NRXN1: variants seen among roughly 807,000 people sequenced by gnomAD.
NRXN1 encodes the protein neurexin-1.
In NRXN1, 39 loss-of-function variants were observed where a neutral mutation model predicts 150.9. The observed-to-expected ratio is 0.26, with a 90% CI of 0.20 to 0.34. NRXN1 has a LOEUF of 0.34. Among genes scored for constraint, NRXN1 ranks in the 10% least tolerant of loss-of-function variants. The pLI, the probability that NRXN1 is intolerant of heterozygous loss-of-function variation, is 1.00. For missense variants in NRXN1, 1,815 were observed against 1,949.9 expected, an observed-to-expected ratio of 0.93 and a Z score of 1.30; for synonymous variants, 924 against 757.0, an observed-to-expected ratio of 1.22 and a Z score of -3.62.
intron 5 of NRXN1, among the ~76,000 whole-genome samples, chr2:50,876,215 G>T (rs1253500611): frequency 6.6e-6 from 1 of 151,688 alleles, no homozygotes; most frequent in African/African-American, 2.4e-5. Flanking sequence ...CATCCTAGAG[G>T]AGAAACTAAG....
chr2:50,899,242 G>T (rs1485049726), intron 5 of NRXN1, among the ~76,000 whole-genome samples: 1 of 152,150 alleles, frequency 6.6e-6, no homozygotes, highest in East Asian at 1.9e-4. Flanking sequence ...GAATTAGCCG[G>T]ATTCCACCGT....
At chr2:50,271,487 C>G (rs1268675118) in intron 17 of NRXN1, among the ~76,000 whole-genome samples, 2 of 152,036 alleles carry the variant, frequency 1.3e-5, no homozygotes, top group Admixed American at 6.6e-5. Context: ...CCATAAAATT[C>G]TATTCTATTT....
intron 18 of NRXN1, among the ~76,000 whole-genome samples, chr2:50,128,164 C>T (rs1217330776): frequency 6.6e-6 from 1 of 152,138 alleles, no homozygotes; most frequent in Non-Finnish European, 1.5e-5. Flanking sequence ...TTGTCCTGCT[C>T]AGCACTGCCT....
chr2:51,023,984 T>A (rs1186968771), intron 2 of NRXN1, among the ~76,000 whole-genome samples: 1 of 152,208 alleles, frequency 6.6e-6, no homozygotes, highest in East Asian at 1.9e-4. Context: ...AATGTGGGAT[T>A]TTAATATACA....
intron 5 of NRXN1, among the ~76,000 whole-genome samples, chr2:50,807,085 T>C (rs549482006): frequency 1.9e-4 from 29 of 152,290 alleles, no homozygotes; most frequent in Admixed American, 1.3e-3. Flanking sequence ...TAGAGTGTTA[T>C]AGAAAAGCCA....
At position 50,810,978 on chromosome 2, in the gene NRXN1, C is replaced by CA. The variant is rs905910829; in HGVS notation, c.832+110890dup. Among the ~76,000 whole-genome samples, 155 of 128,808 alleles carry CA rather than the reference C, an allele frequency of 1.2e-3. 1 individual carries two copies. Among genetic ancestry groups the CA allele is most frequent in the East Asian group, 3.5e-3 (16 of 4,546 alleles). 84.5% of individuals were successfully genotyped at this position (128,808 alleles called of 152,430 possible). A position where few individuals can be genotyped will look rare whatever the true frequency, so the allele number is the denominator to read the frequency against. Reference sequence around the variant, plus strand: ...CTGGTGAAAAAGTGAGACTCCGTCTCAAAAAAAAAAAAGTGTATCTTAATT... The same window carrying CA: ...CTGGTGAAAAAGTGAGACTCCGTCTCAAAAAAAAAAAAAGTGTATCTTAATT... On this transcript the variant is annotated intron_variant, in intron 5 of 22. Transcript: ENST00000401669.
chr2:50,849,258 T>C (rs973606599), intron 5 of NRXN1, among the ~76,000 whole-genome samples: 12 of 152,234 alleles, frequency 7.9e-5, no homozygotes, highest in African/African-American at 2.9e-4. Flanking sequence ...CACAGGCCCT[T>C]GATCTCCCTT....
At chr2:50,770,328 T>TTATA (rs151092314) in intron 5 of NRXN1, among the ~76,000 whole-genome samples, 1 of 150,402 alleles carries the variant, frequency 6.6e-6, no homozygotes, top group East Asian at 1.9e-4. Flanking sequence ...ATTTTATATT[T>TTATA]TATATATATA....
intron 2 of NRXN1, among the ~76,000 whole-genome samples, chr2:50,974,676 T>C (rs1030887230): frequency 3.9e-5 from 6 of 152,078 alleles, no homozygotes; most frequent in Admixed American, 6.6e-5. Flanking sequence ...TTTATCCCTA[T>C]CTGTTTTTTT....
intron 17 of NRXN1, among the ~76,000 whole-genome samples, chr2:50,379,519 C>A (rs114084824): frequency 1.0e-3 from 157 of 152,056 alleles, no homozygotes; most frequent in African/African-American, 3.5e-3. Context: ...ATAAAACAGA[C>A]CACTGAGCTA....
intron 2 of NRXN1, among the ~76,000 whole-genome samples, chr2:51,020,902 C>T (rs1464266619): frequency 6.6e-6 from 1 of 151,942 alleles, no homozygotes; most frequent in Non-Finnish European, 1.5e-5. Flanking sequence ...ACATGGAATC[C>T]ATGCTCAGGA....
chr2:50,025,307 G>A (rs1477646798), intron 21 of NRXN1, among the ~76,000 whole-genome samples: 1 of 152,146 alleles, frequency 6.6e-6, no homozygotes, highest in Non-Finnish European at 1.5e-5. Context: ...GAGATGATTT[G>A]TAAACAAGAT....
intron 2 of NRXN1, among the ~76,000 whole-genome samples, chr2:50,963,530 A>C (rs1318260100): frequency 6.6e-6 from 1 of 151,692 alleles, no homozygotes; most frequent in Non-Finnish European, 1.5e-5. Context: ...CAATTGACAA[A>C]TTTATTTTGC....
intron 5 of NRXN1, among the ~76,000 whole-genome samples, chr2:50,912,468 G>A (rs1684658648): frequency 6.6e-6 from 1 of 151,886 alleles, no homozygotes; most frequent in African/African-American, 2.4e-5. Flanking sequence ...AAATCAAGAT[G>A]ATAGTATTTG....
At chr2:50,092,353 G>T (rs911125557) in intron 18 of NRXN1, among the ~76,000 whole-genome samples, 4 of 152,186 alleles carry the variant, frequency 2.6e-5, no homozygotes, top group African/African-American at 9.7e-5. Flanking sequence ...TCTTTAACAG[G>T]ACTGTCAACT....
intron 17 of NRXN1, among the ~76,000 whole-genome samples, chr2:50,373,715 A>AAGAAAGAAAGAAAGAAAG (rs1363871166): frequency 6.8e-6 from 1 of 147,568 alleles, no homozygotes; most frequent in African/African-American, 2.5e-5. Context: ...AAGAAAGAGA[A>AAGAAAGAAAGAAAGAAAG]AGAAAGACAG....
intron 17 of NRXN1, among the ~76,000 whole-genome samples, chr2:50,405,000 C>T (rs916524835): frequency 6.6e-6 from 1 of 152,084 alleles, no homozygotes; most frequent in African/African-American, 2.4e-5. Flanking sequence ...ATCAAAAACA[C>T]ACCCTTGACA....
intron 21 of NRXN1, among the ~76,000 whole-genome samples, chr2:50,041,540 A>T (rs1690964148): frequency 6.6e-6 from 1 of 152,186 alleles, no homozygotes; most frequent in African/African-American, 2.4e-5. Flanking sequence ...AAAATCAGAC[A>T]AACTGAAAAT....
At chr2:50,118,679 A>G (rs1363942309) in intron 18 of NRXN1, among the ~76,000 whole-genome samples, 2 of 152,190 alleles carry the variant, frequency 1.3e-5, no homozygotes, top group Admixed American at 6.5e-5. Context: ...TTTGAAAACT[A>G]TAGTAATGAA....
Sources: gnomAD v4.1 joint callset for allele counts (sites outside exome capture counted in the v4.1 genomes callset) on GRCh38, gnomAD v4.1.1 for gene constraint, MANE v1.5 for transcripts, NCBI Gene and HGNC (gene_info 2026-07-23, HGNC 2026-07-21) for gene names.